The following TMEM202 variants were observed in gnomAD, a reference collection of about 807,000 sequenced individuals.
TMEM202 encodes the protein transmembrane protein 202.
In TMEM202, 25 loss-of-function variants were observed where a neutral mutation model predicts 26.1. The observed-to-expected ratio is 0.96, with a 90% CI of 0.70 to 1.34. TMEM202 has a LOEUF of 1.34. Among genes scored for constraint, TMEM202 ranks in the 40% most tolerant of loss-of-function variants. The pLI is 0.00. For missense variants in TMEM202, 301 were observed against 327.7 expected (o/e 0.92, Z 0.63); for synonymous variants, 122 against 119.0 (o/e 1.02, Z -0.16).
In TMEM202 at chr15:72,407,653, C is replaced by A. The variant is rs375072653; in HGVS notation, c.620-38C>A. ...AATTTTAAAAGCCAAAAGACCATTG[C>A]CTATTGAACCTCACCTCAAATTATT... On this transcript the variant is annotated intron_variant, in intron 4 of 4. Coordinates refer to ENST00000341689, the MANE Select transcript of TMEM202 (RefSeq NM_001080462.3). 7.0e-6 allele frequency: 11 copies of A among 1,578,694 alleles called. No individual in the cohort carries two copies. In the African/African-American group the frequency reaches 1.3e-4, roughly 19 times the overall value.
At chr15:72,406,474 T>G (rs113736354) in intron 2 of TMEM202, 128 bp from the exon 3 acceptor site, 1 of 665,708 alleles carries the variant, frequency 1.5e-6, no homozygotes, top group Non-Finnish European at 2.5e-6. Context: ...GCAAAAAGGA[T>G]GTCATGTAGC....
At chr15:72,398,538 G>GA in intron 1 of TMEM202, 115 bp from the exon 2 acceptor site, 3 of 1,450,334 alleles carry the variant, frequency 2.1e-6, no homozygotes, top group Non-Finnish European at 2.8e-6. Flanking sequence ...TAGGAGTAGG[G>GA]AAAAATATCT....
At chr15:72,399,481 T>G (rs552183310) in intron 2 of TMEM202, among the ~76,000 whole-genome samples, 1 of 152,242 alleles carries the variant, frequency 6.6e-6, no homozygotes, top group East Asian at 1.9e-4. Flanking sequence ...CTAAGCAATG[T>G]GATTGGTATT....
At chr15:72,407,652 G>A (rs1353979316) in intron 4 of TMEM202, 39 bp from the exon 5 acceptor site, 1 of 1,582,292 alleles carries the variant, frequency 6.3e-7, no homozygotes, top group Non-Finnish European at 8.7e-7. Context: ...AAAGACCATT[G>A]CCTATTGAAC....
intron 2 of TMEM202, among the ~76,000 whole-genome samples, chr15:72,403,207 G>A (rs2063556613): frequency 6.6e-6 from 1 of 152,156 alleles, no homozygotes; most frequent in African/African-American, 2.4e-5. Context: ...CTGGTTGGGT[G>A]ATGCCCCCTC....
chr15:72,401,330 G>A (rs181877027), intron 2 of TMEM202, among the ~76,000 whole-genome samples: 1 of 152,244 alleles, frequency 6.6e-6, no homozygotes, highest in African/African-American at 2.4e-5. Context: ...GATCACTTGA[G>A]CTTAGGAGTT....
chr15:72,407,990 A>G lies in TMEM202; in HGVS notation c.*97A>G, dbSNP rs2063581951. ...GGGAAACTCTCCTAATATCATGTCC[A>G]TATTACTTGAGGAGACAGCATTAAA... On this transcript the variant is annotated 3_prime_UTR_variant, in exon 5 of 5. Transcript: ENST00000341689. 1 of 971,676 alleles carries G rather than the reference A, an allele frequency of 1.0e-6. No homozygotes were observed. The highest frequency in any genetic ancestry group is 1.6e-5 in the South Asian group (1 of 63,306). The allele number at this position is 971,676 out of a possible 1,614,324, so 60.2% of individuals were successfully genotyped here.
intron 2 of TMEM202, among the ~76,000 whole-genome samples, chr15:72,403,512 G>T (rs1435870396): frequency 2.6e-5 from 4 of 152,168 alleles, no homozygotes; most frequent in African/African-American, 9.6e-5. Flanking sequence ...ACACAGGGGT[G>T]TTCGTTTTAT....
chr15:72,400,365 C>G (rs1438027521), intron 2 of TMEM202, among the ~76,000 whole-genome samples: 1 of 152,208 alleles, frequency 6.6e-6, no homozygotes, highest in Non-Finnish European at 1.5e-5. Context: ...AATGCAACTG[C>G]TATCACTCCC....
rs552757730 is a variant in TMEM202 at position 72,407,289 on chromosome 15, A to G, written c.619+72A>G. ...GCTTCTGGAAAGGGAGGTATAATCCAGGAGAAATAGAAGCACTGACTGTTC... is the reference window on the plus strand; with the variant it reads ...GCTTCTGGAAAGGGAGGTATAATCCGGGAGAAATAGAAGCACTGACTGTTC... On this transcript the variant is annotated intron_variant, in intron 4 of 4. Coordinates refer to ENST00000341689, the MANE Select transcript of TMEM202 (RefSeq NM_001080462.3). 6.5e-6 allele frequency: 10 copies of G among 1,536,294 alleles called. No individual in the cohort carries two copies. In the South Asian group the frequency reaches 1.2e-4, roughly 18 times the overall value.
rs1483252114 is a variant in TMEM202, at chr15:72,407,725, A to T, written c.654A>T (p.Arg218Ser). 2 of 1,613,832 alleles carry T rather than the reference A, an allele frequency of 1.2e-6. No homozygotes were observed. Among genetic ancestry groups the T allele is most frequent in the African/African-American group, 1.3e-5 (1 of 74,912 alleles). The change falls in exon 5 of 5, where the codon AGA becomes AGT. Residue 218 changes from arginine (R) to serine (S), a missense_variant. By Grantham distance (110) the Arg-to-Ser change is moderately radical (BLOSUM62 -1). Transcript: ENST00000341689. ...CTCTTCTCAACTACTTAACTTCCAG[A>T]TCGCCTGCCTGTGATGAAAACGTCA... is the stretch of plus-strand genomic sequence containing the variant. ...IISLLNYLTS[R>S]SPACDENVTV...
At chr15:72,406,818 G>C in intron 3 of TMEM202, 67 bp downstream of exon 3, 1 of 1,532,820 alleles carries the variant, frequency 6.5e-7, no homozygotes, top group Non-Finnish European at 8.9e-7. Flanking sequence ...TTTTCTCTGT[G>C]GAACTCTCAT....
At chr15:72,402,885 C>A (rs2063554306) in intron 2 of TMEM202, among the ~76,000 whole-genome samples, 1 of 152,102 alleles carries the variant, frequency 6.6e-6, no homozygotes, top group African/African-American at 2.4e-5. Context: ...GGTCCTAAGT[C>A]TCCACCCAGG....
chr15:72,401,445 G>A (rs1051936794), intron 2 of TMEM202, among the ~76,000 whole-genome samples: 2 of 152,170 alleles, frequency 1.3e-5, no homozygotes, highest in Non-Finnish European at 2.9e-5. Flanking sequence ...TTGGGAGGCC[G>A]AAGTGGAGAG....
intron 3 of TMEM202, 135 bp from the exon 4 acceptor site, chr15:72,406,951 C>A: frequency 7.7e-7 from 1 of 1,297,826 alleles, no homozygotes; most frequent in Non-Finnish European, 1.1e-6. Flanking sequence ...TTTCTCTCAT[C>A]TTGGTCAGTC....
chr15:72,408,017 C>A lies in TMEM202; in HGVS notation c.*124C>A. 2.7e-6 allele frequency: 2 copies of A among 735,006 alleles called. No homozygotes were observed. Among genetic ancestry groups the A allele is most frequent in the Non-Finnish European group, 4.4e-6 (2 of 455,284 alleles). The allele number at this position is 735,006 out of a possible 1,614,324, so 45.5% of individuals were successfully genotyped here. Reference sequence around the variant, plus strand: ...ATTACTTGAGGAGACAGCATTAAAGCTGATGAAATGTCTTTTGCGTGCATT... The same window carrying A: ...ATTACTTGAGGAGACAGCATTAAAGATGATGAAATGTCTTTTGCGTGCATT... On this transcript the variant is annotated 3_prime_UTR_variant, in exon 5 of 5. Coordinates refer to ENST00000341689, the MANE Select transcript of TMEM202 (RefSeq NM_001080462.3).
At chr15:72,398,515 GGTT>G in intron 1 of TMEM202, 108 bp downstream of exon 1, 1 of 1,378,692 alleles carries the variant, frequency 7.3e-7, no homozygotes, top group African/African-American at 1.5e-5. Flanking sequence ...AAAATTGTGG[GGTT>G]TTTTTTTTTT....
chr15:72,407,494 T>C (rs540351612), intron 4 of TMEM202, among the ~76,000 whole-genome samples, 197 bp from the exon 5 acceptor site: 2 of 152,180 alleles, frequency 1.3e-5, no homozygotes, highest in South Asian at 4.2e-4. Context: ...TCCAGGAGGT[T>C]CAAGCTTTGT....
chr15:72,399,080 A>G (rs1168596157), intron 2 of TMEM202, among the ~76,000 whole-genome samples, 172 bp downstream of exon 2: 2 of 152,028 alleles, frequency 1.3e-5, no homozygotes, highest in Non-Finnish European at 2.9e-5. Flanking sequence ...CTCCTATTCC[A>G]GGTTGTTTCC....
Sources: allele counts gnomAD v4.1 joint callset (sites outside exome capture counted in the v4.1 genomes callset), GRCh38; gene constraint gnomAD v4.1.1; transcripts MANE v1.5; gene names NCBI Gene and HGNC (gene_info 2026-07-23, HGNC 2026-07-21).